Variants in CDH7 observed in about 807,000 individuals in gnomAD.
The protein encoded by CDH7 is cadherin-7.
Under a neutral mutation model 71.8 loss-of-function variants are expected in CDH7, and 25 were observed. The observed-to-expected ratio is 0.35, with a 90% CI of 0.25 to 0.49. The LOEUF (loss-of-function observed/expected upper bound fraction) is 0.49, where lower values mean the gene tolerates loss of function less well. CDH7 is among the 20% of genes least tolerant of loss of function. The pLI, the probability that CDH7 is intolerant of heterozygous loss-of-function variation, is 0.99. For synonymous variants in CDH7, 381 were observed against 363.8 expected, an observed-to-expected ratio of 1.05 and a Z score of -0.54; for missense variants, 862 against 974.6, an observed-to-expected ratio of 0.88 and a Z score of 1.54.
In CDH7 at chr18:65,870,012, A is replaced by G. The variant is rs1913881823; in HGVS notation, c.1864+7095A>G. 1.3e-5 allele frequency among the ~76,000 whole-genome samples: 2 copies of G among 152,310 alleles called. 1 individual carries two copies. The highest frequency in any genetic ancestry group is 4.1e-4 in the South Asian group (2 of 4,830). The stretch of plus-strand genomic sequence containing the variant: ...AACTCTACAGAAAAATTGATGTGTC[A>G]CAGATTAAAAGAATTTAAATGATGT... On this transcript the variant is annotated intron_variant, in intron 11 of 11. Transcript: ENST00000397968.
At chr18:65,876,733 T>A (rs1914084021) in intron 11 of CDH7, among the ~76,000 whole-genome samples, 1 of 152,242 alleles carries the variant, frequency 6.6e-6, no homozygotes, top group Admixed American at 6.5e-5. Context: ...AATGTTTGGA[T>A]CAATATCTGT....
At chr18:65,828,026 CT>C (rs200935842) in intron 6 of CDH7, among the ~76,000 whole-genome samples, 2,153 of 151,638 alleles carry the variant, frequency 0.014, 38 homozygotes, top group African/African-American at 0.048. Context: ...TCCTACCCTC[CT>C]CCTTCTCCAC....
intron 7 of CDH7, 109 bp downstream of exon 7, chr18:65,844,174 G>T (rs867316508): frequency 1.7e-4 from 38 of 227,950 alleles, no homozygotes; most frequent in African/African-American, 3.7e-4. Flanking sequence ...ATAAAAACCA[G>T]ATATATATAT....
upstream of CDH7, chr18:65,750,956 A>T (rs1001477899): frequency 6.6e-6 from 1 of 152,132 alleles, no homozygotes; most frequent in Non-Finnish European, 1.5e-5. Context: ...GTGGGCTGTG[A>T]TTGGAGGAGG....
chr18:65,801,117 T>G (rs928334191), intron 2 of CDH7, among the ~76,000 whole-genome samples: 1 of 152,248 alleles, frequency 6.6e-6, no homozygotes, highest in African/African-American at 2.4e-5. Context: ...CGGGGGTTAC[T>G]TGATTCAAGA....
At chr18:65,763,165 A>C in intron 2 of CDH7, 113 bp downstream of exon 2, 1 of 537,516 alleles carries the variant, frequency 1.9e-6, no homozygotes, top group Non-Finnish European at 3.0e-6. Flanking sequence ...GATGGTAAAC[A>C]CAAGACATCA....
At position 65,793,064 on chromosome 18, in the gene CDH7, TG is replaced by T. The variant is rs577744481; in HGVS notation, c.211-16639del. 1.5e-3 allele frequency among the ~76,000 whole-genome samples: 232 copies of T among 152,246 alleles called. 2 individuals carry two copies. The highest frequency in any genetic ancestry group is 5.3e-3 in the African/African-American group (222 of 41,570). ...GATTTAGTAATTATCTCTTACAACT[TG>T]AGCATTTGTGTGCAGTGGGTGAGTT... On this transcript the variant is annotated intron_variant, in intron 2 of 11. Coordinates refer to ENST00000397968, the MANE Select transcript of CDH7 (RefSeq NM_004361.5).
intron 7 of CDH7, among the ~76,000 whole-genome samples, chr18:65,850,184 A>ATG (rs1913098179): frequency 6.8e-6 from 1 of 147,088 alleles, no homozygotes; most frequent in African/African-American, 2.5e-5. Flanking sequence ...ATATATATAT[A>ATG]TATAAAATTA....
At chr18:65,795,333 T>C (rs780307860) in intron 2 of CDH7, among the ~76,000 whole-genome samples, 1 of 152,152 alleles carries the variant, frequency 6.6e-6, no homozygotes, top group Non-Finnish European at 1.5e-5. Flanking sequence ...TTTTAGTTAA[T>C]GGAAGCAACA....
At chr18:65,844,086 T>C in intron 7 of CDH7, 21 bp downstream of exon 7, 1 of 1,605,044 alleles carries the variant, frequency 6.2e-7, no homozygotes, top group Non-Finnish European at 8.5e-7. Flanking sequence ...ATTGTTGTCC[T>C]TTTCTATGGT....
intron 7 of CDH7, among the ~76,000 whole-genome samples, chr18:65,856,944 A>G (rs1283409714): frequency 6.6e-6 from 1 of 152,064 alleles, no homozygotes; most frequent in Non-Finnish European, 1.5e-5. Context: ...ATGCAAAAAT[A>G]GCCATGCAAT....
chr18:65,854,193 C>T (rs993120160), intron 7 of CDH7, among the ~76,000 whole-genome samples: 1 of 151,450 alleles, frequency 6.6e-6, no homozygotes, highest in Non-Finnish European at 1.5e-5. Flanking sequence ...GTAGACCTTG[C>T]TCCTTGGGAG....
intron 2 of CDH7, among the ~76,000 whole-genome samples, chr18:65,786,006 C>A (rs1267056282): frequency 6.6e-6 from 1 of 152,126 alleles, no homozygotes; most frequent in Non-Finnish European, 1.5e-5. Flanking sequence ...CATTAGCATG[C>A]AGCTTTTGGT....
intron 11 of CDH7, among the ~76,000 whole-genome samples, chr18:65,867,962 T>C (rs1220398431): frequency 6.6e-6 from 1 of 152,252 alleles, no homozygotes; most frequent in East Asian, 1.9e-4. Context: ...AGTACTAAAC[T>C]ATATTTGGCC....
chr18:65,839,563 G>T (rs575355004), intron 6 of CDH7, among the ~76,000 whole-genome samples: 1 of 152,108 alleles, frequency 6.6e-6, no homozygotes, highest in Non-Finnish European at 1.5e-5. Flanking sequence ...AAATGCAAAA[G>T]AAACACTAAT....
In CDH7 at chr18:65,886,861, G is replaced by A. The variant is rs1914385952; in HGVS notation, c.*5967G>A. 6.6e-6 allele frequency: 1 copy of A among 152,060 alleles called. No homozygotes were observed. The highest frequency in any genetic ancestry group is 2.4e-5 in the African/African-American group (1 of 41,434). The allele number at this position is 152,060 out of a possible 1,614,324, so 9.4% of individuals were successfully genotyped here. A position where few individuals can be genotyped will look rare whatever the true frequency, so the allele number is the denominator to read the frequency against. On this transcript the variant is annotated 3_prime_UTR_variant, in exon 12 of 12. Transcript: ENST00000397968. Reference sequence around the variant, plus strand: ...CAGCTCATCTTAATCTCTTACGAATGAAGAAACTCTAGGAAACTAAAAAAT... The same window carrying A: ...CAGCTCATCTTAATCTCTTACGAATAAAGAAACTCTAGGAAACTAAAAAAT...
At chr18:65,876,651 A>G (rs1424925094) in intron 11 of CDH7, among the ~76,000 whole-genome samples, 1 of 152,142 alleles carries the variant, frequency 6.6e-6, no homozygotes, top group Non-Finnish European at 1.5e-5. Context: ...CCCCTAGTAC[A>G]CTTCTTTATA....
At chr18:65,767,428 C>A (rs1916410822) in intron 2 of CDH7, among the ~76,000 whole-genome samples, 1 of 151,960 alleles carries the variant, frequency 6.6e-6, no homozygotes. Context: ...ATGTTAGATA[C>A]AGAAAAGGTC....
At position 65,882,949 on chromosome 18, in the gene CDH7, C is replaced by T. The variant is rs1378894179; in HGVS notation, c.*2055C>T. The stretch of plus-strand genomic sequence containing the variant: ...TGCAAGAAGATGAAATAGTTTAGTA[C>T]ATTTGGATGATGTCAAAACTGCTGA... On this transcript the variant is annotated 3_prime_UTR_variant, in exon 12 of 12. Transcript: ENST00000397968. 6.6e-6 allele frequency: 1 copy of T among 152,050 alleles called. No homozygotes were observed. The highest frequency in any genetic ancestry group is 1.5e-5 in the Non-Finnish European group (1 of 67,972). 9.4% of individuals were successfully genotyped at this position (152,050 alleles called of 1,614,324 possible).
Sources: gnomAD v4.1 joint callset for allele counts (sites outside exome capture counted in the v4.1 genomes callset) on GRCh38, gnomAD v4.1.1 for gene constraint, MANE v1.5 for transcripts, NCBI Gene and HGNC (gene_info 2026-07-23, HGNC 2026-07-21) for gene names.